The following DRICH1 variants were observed in gnomAD, a reference collection of about 807,000 sequenced individuals.
DRICH1 encodes aspartate-rich protein 1.
Under a neutral mutation model 39.5 loss-of-function variants are expected in DRICH1, and 38 were observed. That is an observed-to-expected ratio of 0.96 (90% confidence interval 0.74 to 1.26). The LOEUF is 1.26. DRICH1 is among the 50% of genes most tolerant of loss of function. The pLI, the probability that DRICH1 is intolerant of heterozygous loss-of-function variation, is 0.00. For missense variants in DRICH1, 279 were observed against 270.4 expected (o/e 1.03, Z -0.22); for synonymous variants, 84 against 99.5 (o/e 0.84, Z 0.93).
chr22:23,582,480 T>G, the DRICH1 span, among the ~76,000 whole-genome samples: 607 of 151,898 alleles, frequency 4.0e-3, 6 homozygotes, highest in African/African-American at 0.014. Context: ...CTCCTATGGA[T>G]GGGACCATAC....
At chr22:23,615,473 A>T (rs747015327) in intron 8 of DRICH1, among the ~76,000 whole-genome samples, 1 of 152,336 alleles carries the variant, frequency 6.6e-6, no homozygotes, top group Middle Eastern at 3.4e-3. Context: ...GTTAAATCTA[A>T]TTATCAGCTG....
chr22:23,596,166 TC>T, the DRICH1 span, among the ~76,000 whole-genome samples: 1 of 152,186 alleles, frequency 6.6e-6, no homozygotes, highest in Non-Finnish European at 1.5e-5. Flanking sequence ...CCTTTCTGTC[TC>T]TTCTGAGAGT....
chr22:23,587,567 C>T, the DRICH1 span, among the ~76,000 whole-genome samples: 2 of 152,280 alleles, frequency 1.3e-5, no homozygotes, highest in Admixed American at 6.5e-5. Flanking sequence ...GTGGTGAAGG[C>T]CTCAGGCCTA....
the DRICH1 span, among the ~76,000 whole-genome samples, chr22:23,602,577 C>T: frequency 9.9e-5 from 15 of 152,142 alleles, no homozygotes; most frequent in African/African-American, 3.4e-4. Flanking sequence ...TCCAGCTACG[C>T]GAGAGGCTGA....
intron 1 of DRICH1, among the ~76,000 whole-genome samples, chr22:23,627,293 G>C (rs5759937): frequency 6.6e-6 from 1 of 151,952 alleles, no homozygotes; most frequent in South Asian, 2.1e-4. Context: ...GGCTGGTCTC[G>C]AACTCCTGAC....
the DRICH1 span, among the ~76,000 whole-genome samples, chr22:23,592,394 G>T: frequency 0.44 from 48,360 of 109,478 alleles, 8,249 homozygotes; most frequent in Non-Finnish European, 0.51. Flanking sequence ...AGCAAGACTG[G>T]GGGGGGGCGG....
downstream of DRICH1, among the ~76,000 whole-genome samples, chr22:23,607,994 G>A (rs1046639255): frequency 2.6e-5 from 4 of 152,220 alleles, no homozygotes; most frequent in East Asian, 1.9e-4. Flanking sequence ...TCAGCATCTC[G>A]CTGCATGAAT....
In DRICH1 at chr22:23,613,663, G is replaced by T; in HGVS notation, c.622-3C>A. On this transcript the variant is annotated splice_polypyrimidine_tract_variant and splice_region_variant and intron_variant, in intron 9 of 11. Transcript: ENST00000317749. ...CCACTTTCTATCCGAGCTGTTATCTGCAATTATATAAAAGAAAACATTATG... is the reference window on the plus strand; with the variant it reads ...CCACTTTCTATCCGAGCTGTTATCTTCAATTATATAAAAGAAAACATTATG... The T allele has an allele frequency of 6.3e-7, 1 of 1,595,098 alleles. No individual in the cohort carries two copies. The highest frequency in any genetic ancestry group is 8.6e-7 in the Non-Finnish European group (1 of 1,164,014).
intron 4 of DRICH1, among the ~76,000 whole-genome samples, 172 bp from the exon 5 acceptor site, chr22:23,620,787 G>GC (rs11372352): frequency 0.26 from 39,937 of 152,022 alleles, 5,316 homozygotes; most frequent in East Asian, 0.34. Flanking sequence ...AAAGACAAGA[G>GC]TTTTCCCACA....
chr22:23,618,355 C>T (rs1927499652), intron 6 of DRICH1, among the ~76,000 whole-genome samples: 2 of 151,994 alleles, frequency 1.3e-5, no homozygotes, highest in Middle Eastern at 3.2e-3. Context: ...ATCTCATGAT[C>T]CACCCACCTC....
At chr22:23,584,184 G>C in the DRICH1 span, among the ~76,000 whole-genome samples, 1 of 152,232 alleles carries the variant, frequency 6.6e-6, no homozygotes, top group Non-Finnish European at 1.5e-5. Context: ...CCTGGACTGA[G>C]ATGTGTCCAG....
chr22:23,584,931 G>T, the DRICH1 span, among the ~76,000 whole-genome samples: 1 of 152,106 alleles, frequency 6.6e-6, no homozygotes, highest in African/African-American at 2.4e-5. Flanking sequence ...CCAAAGGGCT[G>T]GGATTTAAGT....
At chr22:23,617,934 G>A (rs565103739) in intron 6 of DRICH1, among the ~76,000 whole-genome samples, 1 of 152,082 alleles carries the variant, frequency 6.6e-6, no homozygotes, top group Non-Finnish European at 1.5e-5. Flanking sequence ...CCTCTCAAAT[G>A]TTTTGAAACT....
At chr22:23,598,951 A>G in the DRICH1 span, among the ~76,000 whole-genome samples, 333 of 152,312 alleles carry the variant, frequency 2.2e-3, 5 homozygotes, top group East Asian at 0.039. Flanking sequence ...CCCCTGAGCT[A>G]GCTCTGCCTC....
At position 23,613,374 on chromosome 22, in the gene DRICH1, C is replaced by T. The variant is rs146232599; in HGVS notation, c.644-44G>A. 5.3e-4 allele frequency: 799 copies of T among 1,493,858 alleles called. 6 individuals are homozygous for T. The East Asian group carries it at 0.016, about 30-fold the overall frequency. The allele number at this position is 1,493,858 out of a possible 1,614,324, so 92.5% of individuals were successfully genotyped here. On this transcript the variant is annotated intron_variant, in intron 10 of 11. Coordinates refer to ENST00000317749, the MANE Select transcript of DRICH1 (RefSeq NM_016449.4). ...CAGAATAAGTCATTAGAGAGAGTGA[C>T]TCACCCACTCCTCCTACTTTACTTT...
In DRICH1 at chr22:23,626,838, A is replaced by AT. The variant is rs1555910261; in HGVS notation, c.209-791_209-790insA. ...GTGAGAAAGAGGAACTGAAGGAACC[A>AT]CTTTTAACTTTTTCCTTCCACTGGC... On this transcript the variant is annotated intron_variant, in intron 1 of 11. Transcript: ENST00000317749. Among the ~76,000 whole-genome samples the AT allele has an allele frequency of 8.1e-3, 1,238 of 152,206 alleles. 30 individuals are homozygous for AT. Among genetic ancestry groups the AT allele is most frequent in the East Asian group, 0.079 (406 of 5,164 alleles).
intron 11 of DRICH1, among the ~76,000 whole-genome samples, chr22:23,611,785 C>T (rs1048494880): frequency 6.6e-6 from 1 of 152,148 alleles, no homozygotes; most frequent in Admixed American, 6.5e-5. Flanking sequence ...GTTAGAAGGT[C>T]GGCGCAGTGC....
chr22:23,605,381 G>A (rs73157051), downstream of DRICH1, among the ~76,000 whole-genome samples: 1 of 152,112 alleles, frequency 6.6e-6, no homozygotes, highest in Non-Finnish European at 1.5e-5. Flanking sequence ...GTCCTAGGAG[G>A]TGACTCTGGC....
intron 4 of DRICH1, among the ~76,000 whole-genome samples, chr22:23,621,097 A>T (rs2123783025): frequency 6.6e-6 from 1 of 152,298 alleles, no homozygotes; most frequent in South Asian, 2.1e-4. Flanking sequence ...GAAATAATGT[A>T]TACAGTGGTC....
Sources: gnomAD v4.1 joint callset for allele counts (sites outside exome capture counted in the v4.1 genomes callset) on GRCh38, gnomAD v4.1.1 for gene constraint, MANE v1.5 for transcripts, NCBI Gene and HGNC (gene_info 2026-07-23, HGNC 2026-07-21) for gene names.